The following RBFOX2 variants were observed in gnomAD, a reference collection of about 807,000 sequenced individuals.
RBFOX2 encodes the protein RNA binding fox-1 homolog 2, also known as RNA binding protein fox-1 homolog 2.
In RBFOX2, 10 loss-of-function variants were observed where a neutral mutation model predicts 49.1. The ratio of observed to expected loss-of-function variants is 0.20; its 90% CI spans 0.13 to 0.35. The LOEUF (loss-of-function observed/expected upper bound fraction) is 0.35. RBFOX2 is among the 10% of genes least tolerant of loss of function. The probability of loss-of-function intolerance (pLI) is 1.00; values close to 1 mark genes in which losing one functional copy is unlikely to be tolerated. For synonymous variants in RBFOX2, 183 were observed against 187.4 expected, an observed-to-expected ratio of 0.98 and a Z score of 0.19; for missense variants, 323 against 486.9, an observed-to-expected ratio of 0.66 and a Z score of 3.17.
At chr22:36,018,904 G>A (rs767804210) in intron 1 of RBFOX2, among the ~76,000 whole-genome samples, 7 of 152,154 alleles carry the variant, frequency 4.6e-5, no homozygotes, top group South Asian at 2.1e-4. Flanking sequence ...ATGAGCCACC[G>A]CACCTGGCCA....
chr22:35,748,487 T>G (rs1008047319), intron 9 of RBFOX2: 1 of 152,162 alleles, frequency 6.6e-6, no homozygotes, highest in African/African-American at 2.4e-5. Flanking sequence ...ACCTTTTTTT[T>G]TTTTAAGCAT....
rs199883624 is a variant in RBFOX2 at position 35,824,157 on chromosome 22, CA to C, written c.28-14154del. On this transcript the variant is annotated intron_variant, in intron 1 of 11. Coordinates refer to ENST00000405409, the Ensembl canonical transcript of RBFOX2. Reference sequence around the variant, plus strand: ...GGATGAGACGGACGAGACTCCATCTCAAAAAAAAAAACCCTAAATATGTGCT... The same window carrying C: ...GGATGAGACGGACGAGACTCCATCTCAAAAAAAAAACCCTAAATATGTGCT... Among the ~76,000 whole-genome samples the C allele has an allele frequency of 2.6e-3, 364 of 140,958 alleles. 8 individuals are homozygous for C. In the East Asian group the frequency reaches 0.053, roughly 20 times the overall value. The allele number at this position is 140,958 out of a possible 152,430, so 92.5% of individuals were successfully genotyped here. A position where few individuals can be genotyped will look rare whatever the true frequency, so the allele number is the denominator to read the frequency against.
At chr22:36,014,815 C>G (rs745536171) in intron 1 of RBFOX2, among the ~76,000 whole-genome samples, 3 of 152,140 alleles carry the variant, frequency 2.0e-5, no homozygotes, top group Non-Finnish European at 4.4e-5. Flanking sequence ...ATACAGCTGA[C>G]AAAAATCACT....
intron 1 of RBFOX2, among the ~76,000 whole-genome samples, chr22:35,828,306 G>C (rs190515604): frequency 6.6e-6 from 1 of 152,128 alleles, no homozygotes; most frequent in Non-Finnish European, 1.5e-5. Flanking sequence ...CAAGCAAGTT[G>C]AGCTTTACAA....
chr22:35,804,870 A>C lies in RBFOX2; in HGVS notation c.252+4910T>G, dbSNP rs576609080. On this transcript the variant is annotated intron_variant, in intron 2 of 11. Coordinates refer to ENST00000405409, the Ensembl canonical transcript of RBFOX2. ...TAAAATAAAATGAATCCTGTCAAGA[A>C]ACTGAAAAAAGCCACAGACTGGGAG... Among the ~76,000 whole-genome samples, 7 of 152,340 alleles carry C rather than the reference A, an allele frequency of 4.6e-5. No individual in the cohort carries two copies. The South Asian group carries it at 1.4e-3, about 32-fold the overall frequency.
chr22:35,887,672 C>T (rs2046757860), intron 1 of RBFOX2, among the ~76,000 whole-genome samples: 1 of 152,112 alleles, frequency 6.6e-6, no homozygotes, highest in African/African-American at 2.4e-5. Context: ...CTGTCCCCTG[C>T]TAAATAGGGC....
intron 1 of RBFOX2, chr22:35,996,432 G>A (rs575814020): frequency 1.3e-5 from 2 of 152,300 alleles, no homozygotes; most frequent in African/African-American, 2.4e-5. Context: ...TGGCCAACAT[G>A]GCGAAACCCC....
At chr22:35,872,129 G>C (rs2044433121) in intron 1 of RBFOX2, among the ~76,000 whole-genome samples, 1 of 152,194 alleles carries the variant, frequency 6.6e-6, no homozygotes, top group Admixed American at 6.5e-5. Context: ...AGAATGGCCT[G>C]TCCATTACTG....
chr22:35,796,186 A>T (rs1321788122), intron 2 of RBFOX2, among the ~76,000 whole-genome samples: 1 of 152,082 alleles, frequency 6.6e-6, no homozygotes, highest in South Asian at 2.1e-4. Context: ...CATGTGGGAA[A>T]CCCTTTTAAC....
intron 1 of RBFOX2, among the ~76,000 whole-genome samples, chr22:35,912,661 AT>A (rs1046321114): frequency 5.3e-5 from 8 of 151,998 alleles, no homozygotes; most frequent in African/African-American, 1.9e-4. Context: ...ACTTCTTTTA[AT>A]TTTTTTTCAG....
chr22:35,977,746 A>G (rs1348657463), intron 1 of RBFOX2, among the ~76,000 whole-genome samples: 1 of 140,270 alleles, frequency 7.1e-6, no homozygotes, highest in Non-Finnish European at 1.5e-5. Context: ...ATATATATAT[A>G]TATATATATA....
intron 1 of RBFOX2, among the ~76,000 whole-genome samples, chr22:35,922,910 C>A (rs975060838): frequency 6.6e-6 from 1 of 152,086 alleles, no homozygotes; most frequent in Non-Finnish European, 1.5e-5. Flanking sequence ...AAGTTTGCCC[C>A]CTCCTGTTTT....
chr22:35,951,558 T>C (rs1362861751), intron 1 of RBFOX2, among the ~76,000 whole-genome samples: 1 of 152,162 alleles, frequency 6.6e-6, no homozygotes, highest in Non-Finnish European at 1.5e-5. Flanking sequence ...AATAATTCTT[T>C]ATATTAAATG....
chr22:36,023,018 G>T (rs936220991), intron 1 of RBFOX2, among the ~76,000 whole-genome samples: 5 of 151,890 alleles, frequency 3.3e-5, no homozygotes, highest in Admixed American at 2.6e-4. Flanking sequence ...AGGGAGAGAT[G>T]AAAAATTCAG....
In RBFOX2 at chr22:35,989,879, T is replaced by A. The variant is rs528524502; in HGVS notation, c.186+38361A>T. The stretch of plus-strand genomic sequence containing the variant: ...GCCACTGTGGCAAATCCCCAAGAGG[T>A]CACTTAAAAACAGAAATACTGGCCA... On this transcript the variant is annotated intron_variant, in intron 1 of 13. Transcript: ENST00000438146. Among the ~76,000 whole-genome samples the A allele has an allele frequency of 2.6e-5, 4 of 151,842 alleles. No individual in the cohort carries two copies. The South Asian group carries it at 6.3e-4, about 24-fold the overall frequency.
intron 1 of RBFOX2, among the ~76,000 whole-genome samples, chr22:35,810,610 C>T (rs1375930782): frequency 6.6e-6 from 1 of 152,102 alleles, no homozygotes; most frequent in Non-Finnish European, 1.5e-5. Context: ...AATAAAAATG[C>T]TCAACCTCAC....
At chr22:35,840,418 T>G in exon 1 of RBFOX2, 1 of 1,466,918 alleles carries the variant, frequency 6.8e-7, no homozygotes, top group Non-Finnish European at 8.9e-7. Context: ...TCTCTCCCCC[T>G]CCTTCTTTCT....
intron 1 of RBFOX2, among the ~76,000 whole-genome samples, chr22:35,859,263 C>T (rs12167801): frequency 0.056 from 8,567 of 152,036 alleles, 312 homozygotes; most frequent in African/African-American, 0.094. Flanking sequence ...AAAAAACTAG[C>T]GGGAGTTTTC....
At chr22:35,799,584 G>C (rs1949394150) in intron 2 of RBFOX2, among the ~76,000 whole-genome samples, 1 of 151,964 alleles carries the variant, frequency 6.6e-6, no homozygotes, top group South Asian at 2.1e-4. Flanking sequence ...TACTTAAATG[G>C]AGCTGTAGCT....
Sources: allele counts gnomAD v4.1 joint callset (sites outside exome capture counted in the v4.1 genomes callset), GRCh38; gene constraint gnomAD v4.1.1; transcripts MANE v1.5; gene names NCBI Gene and HGNC (gene_info 2026-07-23, HGNC 2026-07-21).